ARHGAP25: variants seen among roughly 807,000 people sequenced by gnomAD.
The protein encoded by ARHGAP25 is rho GTPase-activating protein 25.
ARHGAP25 carries 34 observed loss-of-function variants against 71.0 expected under a neutral mutation model. That is an observed-to-expected ratio of 0.48 (90% CI 0.36 to 0.64). ARHGAP25 has a LOEUF of 0.64. Among genes scored for constraint, ARHGAP25 ranks in the 30% least tolerant of loss-of-function variants. ARHGAP25 has a pLI of 0.00. For missense variants in ARHGAP25, 706 were observed against 805.1 expected, an observed-to-expected ratio of 0.88 and a Z score of 1.49; for synonymous variants, 282 against 296.5, an observed-to-expected ratio of 0.95 and a Z score of 0.50.
intron 1 of ARHGAP25, among the ~76,000 whole-genome samples, chr2:68,770,562 C>G (rs1006491183): frequency 6.6e-6 from 1 of 152,132 alleles, no homozygotes; most frequent in African/African-American, 2.4e-5. Flanking sequence ...CTTCTCTGTT[C>G]GTACTTCCTT....
rs577829274 is a variant in ARHGAP25 at position 68,765,476 on chromosome 2, C to T, written c.62-9745C>T. Among the ~76,000 whole-genome samples the T allele has an allele frequency of 1.8e-4, 28 of 152,130 alleles. No individual in the cohort carries two copies. The South Asian group carries it at 5.4e-3, about 29-fold the overall frequency. ...CACAACAGAGAAAATATAATGAACC[C>T]CCATGTAGACCCACTACTGAAGTTC... is the stretch of plus-strand genomic sequence containing the variant. On this transcript the variant is annotated intron_variant, in intron 1 of 10. Coordinates refer to ENST00000409202, the MANE Select transcript of ARHGAP25 (RefSeq NM_001007231.3).
At chr2:68,784,453 G>A (rs1167336042) in intron 3 of ARHGAP25, among the ~76,000 whole-genome samples, 1 of 152,030 alleles carries the variant, frequency 6.6e-6, no homozygotes, top group Non-Finnish European at 1.5e-5. Context: ...ACCAGTTTTA[G>A]TTGCACAAAC....
chr2:68,795,478 G>A (rs1037435412), intron 4 of ARHGAP25, among the ~76,000 whole-genome samples: 1 of 151,954 alleles, frequency 6.6e-6, no homozygotes, highest in African/African-American at 2.4e-5. Flanking sequence ...ATTTTCATTT[G>A]TTTAAAAAAT....
intron 1 of ARHGAP25, among the ~76,000 whole-genome samples, chr2:68,765,602 C>T (rs1443764484): frequency 6.6e-6 from 1 of 152,162 alleles, no homozygotes; most frequent in Non-Finnish European, 1.5e-5. Context: ...ACATTTTCCC[C>T]ATGCTTAAGT....
chr2:68,782,209 A>C lies in ARHGAP25; in HGVS notation c.262-24A>C, dbSNP rs1392097856. 3.1e-6 allele frequency: 5 copies of C among 1,606,558 alleles called. No homozygotes were observed. In the African/African-American group the frequency reaches 4.0e-5, roughly 13 times the overall value. On this transcript the variant is annotated intron_variant, in intron 2 of 10. Coordinates refer to ENST00000409202, the MANE Select transcript of ARHGAP25 (RefSeq NM_001007231.3). ...TTATATTAAATTGCTGCTTATCCTT[A>C]AGGCCTGACTTTTCATCTTTCAGGG...
At chr2:68,788,801 C>T (rs1248039930) in intron 4 of ARHGAP25, among the ~76,000 whole-genome samples, 1 of 152,036 alleles carries the variant, frequency 6.6e-6, no homozygotes, top group Non-Finnish European at 1.5e-5. Flanking sequence ...ACTGTGTGGC[C>T]TGTTATTTTG....
At chr2:68,824,622 G>A (rs971974722) in intron 10 of ARHGAP25, among the ~76,000 whole-genome samples, 1 of 152,152 alleles carries the variant, frequency 6.6e-6, no homozygotes, top group Non-Finnish European at 1.5e-5. Context: ...GGTGCCTGTA[G>A]TCCCAGCTAC....
intron 4 of ARHGAP25, among the ~76,000 whole-genome samples, chr2:68,789,211 A>AT (rs1005993170): frequency 3.3e-5 from 5 of 150,588 alleles, no homozygotes; most frequent in South Asian, 2.1e-4. Context: ...CTTTTTTTGT[A>AT]TTTTTTTTAG....
Position 68,826,455 on chromosome 2 carries a change from G to A in ARHGAP25, c.*261G>A, listed in dbSNP as rs1243442651. The A allele has an allele frequency of 9.0e-6, 5 of 553,502 alleles. No homozygotes were observed. The highest frequency in any genetic ancestry group is 3.7e-5 in the African/African-American group (2 of 53,576). 34.3% of individuals were successfully genotyped at this position (553,502 alleles called of 1,614,324 possible). A position where few individuals can be genotyped will look rare whatever the true frequency, so the allele number is the denominator to read the frequency against. On this transcript the variant is annotated 3_prime_UTR_variant, in exon 11 of 11. Coordinates refer to ENST00000409202, the MANE Select transcript of ARHGAP25 (RefSeq NM_001007231.3). ...CCATTCTGGTCTCAGGCATGACCAC[G>A]TCCAGTGAAGACATTTGAGGCAGCA...
chr2:68,725,321 T>TATA (rs958042187), intron 2 of ARHGAP25, among the ~76,000 whole-genome samples: 10 of 151,910 alleles, frequency 6.6e-5, no homozygotes, highest in East Asian at 3.8e-4. Flanking sequence ...ATTATTTTAT[T>TATA]ATAATAATAA....
chr2:68,800,569 G>T (rs1043465750), intron 4 of ARHGAP25, among the ~76,000 whole-genome samples: 12 of 152,074 alleles, frequency 7.9e-5, no homozygotes, highest in Admixed American at 7.9e-4. Context: ...GGCTGGCATG[G>T]TCTGGCATTA....
At chr2:68,756,272 A>G (rs1676478359) in intron 1 of ARHGAP25, among the ~76,000 whole-genome samples, 1 of 152,250 alleles carries the variant, frequency 6.6e-6, no homozygotes, top group Non-Finnish European at 1.5e-5. Flanking sequence ...CCGAATGGGA[A>G]AAAATGAACC....
At chr2:68,811,617 A>G (rs1212544442) in intron 5 of ARHGAP25, among the ~76,000 whole-genome samples, 1 of 150,116 alleles carries the variant, frequency 6.7e-6, no homozygotes, top group Admixed American at 6.7e-5. Context: ...GTGTTCTCCT[A>G]TTGAGGTAGA....
At chr2:68,801,052 T>C (rs1411360784) in intron 4 of ARHGAP25, among the ~76,000 whole-genome samples, 4 of 152,056 alleles carry the variant, frequency 2.6e-5, no homozygotes. Flanking sequence ...ATGTTTCTGA[T>C]TCCAAACTCC....
At chr2:68,756,463 C>T (rs538875112) in intron 1 of ARHGAP25, among the ~76,000 whole-genome samples, 1 of 152,204 alleles carries the variant, frequency 6.6e-6, no homozygotes, top group Non-Finnish European at 1.5e-5. Context: ...TCCTGTGTCT[C>T]CTTCATTTTT....
intron 2 of ARHGAP25, among the ~76,000 whole-genome samples, chr2:68,721,136 A>G (rs909382482): frequency 1.3e-5 from 2 of 152,208 alleles, no homozygotes; most frequent in African/African-American, 2.4e-5. Flanking sequence ...AAATGTACAC[A>G]AGTTTTAATT....
At chr2:68,787,512 G>A (rs113066250) in intron 3 of ARHGAP25, among the ~76,000 whole-genome samples, 35 of 152,370 alleles carry the variant, frequency 2.3e-4, no homozygotes, top group Admixed American at 1.4e-3. Context: ...GGCTGACCCT[G>A]TCTCATCTAT....
In ARHGAP25 at chr2:68,782,306, T is replaced by C; in HGVS notation, c.335T>C (p.Phe112Ser). 2 of 1,614,126 alleles carry C rather than the reference T, an allele frequency of 1.2e-6. No homozygotes were observed. Among genetic ancestry groups the C allele is most frequent in the Non-Finnish European group, 1.7e-6 (2 of 1,179,984 alleles). ...CCAGAAGAAGCTGGGAAGTTTGTCTTTGAAATCATTCCAGGTAGGCCACCA... is the reference window on the plus strand; with the variant it reads ...CCAGAAGAAGCTGGGAAGTTTGTCTCTGAAATCATTCCAGGTAGGCCACCA... ...TNPEEAGKFV[F>S]EIIPASWDQN... Residue 112 changes from phenylalanine (F) to serine (S), a missense_variant, in exon 3 of 11, where the codon TTT (phenylalanine) becomes TCT (serine). By Grantham distance (155) the Phe-to-Ser change is radical. Transcript: ENST00000409202.
intron 2 of ARHGAP25, among the ~76,000 whole-genome samples, chr2:68,776,413 G>C (rs1677925780): frequency 6.6e-6 from 1 of 152,214 alleles, no homozygotes; most frequent in Non-Finnish European, 1.5e-5. Flanking sequence ...CAAAAATAGA[G>C]CCAGAGGAGA....
Sources: gnomAD v4.1 joint callset for allele counts (sites outside exome capture counted in the v4.1 genomes callset) on GRCh38, gnomAD v4.1.1 for gene constraint, MANE v1.5 for transcripts, NCBI Gene and HGNC (gene_info 2026-07-23, HGNC 2026-07-21) for gene names.